MLLT3: variants seen among roughly 807,000 people sequenced by gnomAD.
The protein encoded by MLLT3 is MLLT3 super elongation complex subunit.
MLLT3 carries 4 observed loss-of-function variants against 53.2 expected under a neutral mutation model. The ratio of observed to expected loss-of-function variants is 0.08; its 90% CI spans 0.04 to 0.17. MLLT3 has a LOEUF of 0.17. Ranked by LOEUF, MLLT3 falls within the 10% of genes least tolerant of loss-of-function variation. The pLI is 1.00. For missense variants in MLLT3, 569 were observed against 684.0 expected, an observed-to-expected ratio of 0.83 and a Z score of 1.87; for synonymous variants, 283 against 230.6, an observed-to-expected ratio of 1.23 and a Z score of -2.06.
intron 5 of MLLT3, among the ~76,000 whole-genome samples, chr9:20,376,082 T>A (rs1212915294): frequency 6.6e-6 from 1 of 152,146 alleles, no homozygotes; most frequent in African/African-American, 2.4e-5. Context: ...ATAAATCCCA[T>A]AATATCCAAG....
intron 2 of MLLT3, among the ~76,000 whole-genome samples, chr9:20,524,233 T>C (rs1563800557): frequency 6.6e-6 from 1 of 152,082 alleles, no homozygotes; most frequent in East Asian, 1.9e-4. Flanking sequence ...GGGGGTTACA[T>C]AGGAAATCTC....
At position 20,426,916 on chromosome 9, in the gene MLLT3, C is replaced by T. The variant is rs182114675; in HGVS notation, c.421-12491G>A. On this transcript the variant is annotated intron_variant, in intron 4 of 10. Coordinates refer to ENST00000380338, the MANE Select transcript of MLLT3 (RefSeq NM_004529.4). ...CTAAGGACACACGCATGACTGTGTT[C>T]TCCTGGGTCTCTAAAGACCAAACCT... Among the ~76,000 whole-genome samples the T allele has an allele frequency of 2.6e-4, 39 of 152,204 alleles. 1 individual carries two copies. Among genetic ancestry groups the T allele is most frequent in the Admixed American group, 2.6e-3 (39 of 15,266 alleles).
chr9:20,561,243 C>T (rs1291109471), intron 2 of MLLT3, among the ~76,000 whole-genome samples: 2 of 152,210 alleles, frequency 1.3e-5, no homozygotes, highest in Admixed American at 1.3e-4. Flanking sequence ...CTGAGACCAG[C>T]AGGACAGAGC....
At chr9:20,600,155 A>AC (rs56144728) in intron 2 of MLLT3, among the ~76,000 whole-genome samples, 4 of 151,184 alleles carry the variant, frequency 2.6e-5, no homozygotes, top group Non-Finnish European at 3.0e-5. Context: ...CAAAAAAAAA[A>AC]CACTTAGTTC....
At position 20,466,097 on chromosome 9, in the gene MLLT3, C is replaced by T. The variant is rs180892189; in HGVS notation, c.194-9311G>A. 2.6e-5 allele frequency among the ~76,000 whole-genome samples: 4 copies of T among 152,212 alleles called. No individual in the cohort carries two copies. In the East Asian group the frequency reaches 5.8e-4, roughly 22 times the overall value. ...AAACTGAACAGTGGAAGGACTCATCCTAGTTTTAGATACAGGTTGAATATC... is the reference window on the plus strand; with the variant it reads ...AAACTGAACAGTGGAAGGACTCATCTTAGTTTTAGATACAGGTTGAATATC... On this transcript the variant is annotated intron_variant, in intron 2 of 10. Coordinates refer to ENST00000380338, the MANE Select transcript of MLLT3 (RefSeq NM_004529.4).
intron 2 of MLLT3, among the ~76,000 whole-genome samples, chr9:20,613,895 A>T (rs1820759304): frequency 6.6e-6 from 1 of 152,206 alleles, no homozygotes; most frequent in Non-Finnish European, 1.5e-5. Flanking sequence ...TAGAAATTTA[A>T]CATAAACAAA....
At chr9:20,473,638 T>C (rs1210354841) in intron 2 of MLLT3, among the ~76,000 whole-genome samples, 1 of 152,044 alleles carries the variant, frequency 6.6e-6, no homozygotes, top group African/African-American at 2.4e-5. Context: ...TCAAGCTTAA[T>C]CCACCAGATA....
In MLLT3 at chr9:20,620,844, G is replaced by A. The variant is rs202235045; in HGVS notation, c.13-10C>T. 1.3e-4 allele frequency: 203 copies of A among 1,614,012 alleles called. 1 individual carries two copies. The highest frequency in any genetic ancestry group is 6.7e-4 in the Admixed American group (40 of 60,032). ...TCACCTGCACGGCACACTGCGGGCA[G>A]GGGGAGGAGAGACAGCCGTGAATAA... On this transcript the variant is annotated splice_polypyrimidine_tract_variant and intron_variant, in intron 1 of 10. Coordinates refer to ENST00000380338, the MANE Select transcript of MLLT3 (RefSeq NM_004529.4). The surrounding 1 kb of genome is among the most constrained non-coding windows in gnomAD (Gnocchi z 6.1).
chr9:20,572,112 C>A (rs1563823935), intron 2 of MLLT3, among the ~76,000 whole-genome samples: 1 of 152,090 alleles, frequency 6.6e-6, no homozygotes, highest in Non-Finnish European at 1.5e-5. Context: ...ATAAACCAGA[C>A]ATGAAAAGAC....
At chr9:20,517,928 G>C (rs1817956691) in intron 2 of MLLT3, among the ~76,000 whole-genome samples, 1 of 152,248 alleles carries the variant, frequency 6.6e-6, no homozygotes, top group East Asian at 1.9e-4. Context: ...AGAAGGCATA[G>C]AAGGCAACTC....
intron 2 of MLLT3, among the ~76,000 whole-genome samples, chr9:20,526,055 A>C (rs1818193109): frequency 6.6e-6 from 1 of 152,192 alleles, no homozygotes; most frequent in Non-Finnish European, 1.5e-5. Flanking sequence ...AAATACTGTA[A>C]CATTTCATGG....
rs576707430 is a variant in MLLT3, at chr9:20,596,166, T to G, written c.193+24488A>C. 8.5e-5 allele frequency among the ~76,000 whole-genome samples: 13 copies of G among 152,328 alleles called. 1 individual carries two copies. The South Asian group carries it at 2.7e-3, about 32-fold the overall frequency. On this transcript the variant is annotated intron_variant, in intron 2 of 10. Coordinates refer to ENST00000380338, the MANE Select transcript of MLLT3 (RefSeq NM_004529.4). The stretch of plus-strand genomic sequence containing the variant: ...GCTTTTATCACCAGATAATTCTGTA[T>G]CAGGAATTGCCTCCATTGAACTTTC...
At chr9:20,600,876 G>A (rs1450331080) in intron 2 of MLLT3, among the ~76,000 whole-genome samples, 1 of 152,034 alleles carries the variant, frequency 6.6e-6, no homozygotes, top group Admixed American at 6.5e-5. Context: ...GAATCCAATG[G>A]GAAAAAATTT....
rs569176459 is a variant in MLLT3 at position 20,344,472 on chromosome 9, A to G, written c.*1971T>C. 118 of 220,118 alleles carry G rather than the reference A, an allele frequency of 5.4e-4. No individual in the cohort carries two copies. In the South Asian group the frequency reaches 5.5e-3, roughly 10 times the overall value. The allele number at this position is 220,118 out of a possible 1,614,324, so 13.6% of individuals were successfully genotyped here. A position where few individuals can be genotyped will look rare whatever the true frequency, so the allele number is the denominator to read the frequency against. ...TTAAAAACAAAACGCAACTGAAACC[A>G]CACAATTCATCAATCACCTAATGTC... On this transcript the variant is annotated 3_prime_UTR_variant, in exon 11 of 11. Coordinates refer to ENST00000380338, the MANE Select transcript of MLLT3 (RefSeq NM_004529.4).
At chr9:20,588,704 CTT>C (rs1368765573) in intron 2 of MLLT3, among the ~76,000 whole-genome samples, 1 of 152,158 alleles carries the variant, frequency 6.6e-6, no homozygotes, top group African/African-American at 2.4e-5. Context: ...TATCCTGAGA[CTT>C]TGCTGAAGTT....
chr9:20,414,390 G>C lies in MLLT3; in HGVS notation c.456C>G (p.Ser152Arg), dbSNP rs1391295058. 1 of 1,608,458 alleles carries C rather than the reference G, an allele frequency of 6.2e-7. No individual in the cohort carries two copies. The highest frequency in any genetic ancestry group is 1.7e-5 in the Admixed American group (1 of 59,890). ...PNRSIHTSSS[S>R]SSSSSSSSSS... ...TGCTGCTGCTGCTACTGCTGCTGCT[G>C]CTGCTGCTGCTGGTATGAATACTCC... is the stretch of plus-strand genomic sequence containing the variant. The change falls in exon 5 of 11, where the codon AGC (serine) becomes AGG (arginine). Residue 152 changes from serine (S) to arginine (R), a missense_variant. Physicochemically the swap from Ser to Arg is moderately radical, Grantham distance 110. Around this residue, in one of 5 missense-constraint regions of MLLT3, gnomAD observed 39 missense variants for 68.8 expected, o/e 0.57. Transcript: ENST00000380338.
intron 2 of MLLT3, among the ~76,000 whole-genome samples, chr9:20,534,768 C>A (rs185921974): frequency 6.6e-6 from 1 of 152,182 alleles, no homozygotes; most frequent in Admixed American, 6.5e-5. Flanking sequence ...CGCCTATAAT[C>A]CCAGCAACTT....
At chr9:20,497,470 T>C (rs1190221398) in intron 2 of MLLT3, among the ~76,000 whole-genome samples, 1 of 152,210 alleles carries the variant, frequency 6.6e-6, no homozygotes, top group Non-Finnish European at 1.5e-5. Context: ...CATTTTCAGG[T>C]AACCACTGAT....
At chr9:20,608,736 C>A (rs916514716) in intron 2 of MLLT3, among the ~76,000 whole-genome samples, 1 of 151,872 alleles carries the variant, frequency 6.6e-6, no homozygotes, top group East Asian at 1.9e-4. Context: ...GTAGAAAAAA[C>A]TAAAAATCTT....
Sources: gnomAD v4.1 joint callset for allele counts (sites outside exome capture counted in the v4.1 genomes callset) on GRCh38, gnomAD v4.1.1 for gene constraint, gnomAD v4.1.1 regional missense constraint, Gnocchi (gnomAD v3.1) non-coding constraint, MANE v1.5 for transcripts, NCBI Gene and HGNC (gene_info 2026-07-23, HGNC 2026-07-21) for gene names.